Variants in HECW2 observed in about 807,000 individuals in gnomAD.
The protein encoded by HECW2 is HECT, C2 and WW domain containing E3 ubiquitin protein ligase 2.
In HECW2, 61 loss-of-function variants were observed where a neutral mutation model predicts 175.2. That is an observed-to-expected ratio of 0.35 (90% CI 0.28 to 0.43). The LOEUF (loss-of-function observed/expected upper bound fraction) is 0.43. Ranked by LOEUF, HECW2 falls within the 20% of genes least tolerant of loss-of-function variation. HECW2 has a pLI of 1.00. For synonymous variants in HECW2, 671 were observed against 731.0 expected (o/e 0.92, Z 1.32); for missense variants, 1,524 against 2,000.5 (o/e 0.76, Z 4.54).
At chr2:196,469,444 T>C (rs927751838) in intron 1 of HECW2, among the ~76,000 whole-genome samples, 8 of 152,056 alleles carry the variant, frequency 5.3e-5, no homozygotes, top group Admixed American at 3.9e-4. Context: ...TTTAGGAGGA[T>C]AGATTATAGT....
At chr2:196,258,328 T>C (rs1689148314) in intron 17 of HECW2, among the ~76,000 whole-genome samples, 1 of 152,228 alleles carries the variant, frequency 6.6e-6, no homozygotes, top group African/African-American at 2.4e-5. Flanking sequence ...CCTGAGGCCA[T>C]ACCTTTAAGT....
At chr2:196,566,699 A>ATTTTTTTTTTTTTTTTTTTTTTTTT (rs58391487) in intron 1 of HECW2, among the ~76,000 whole-genome samples, 1 of 94,206 alleles carries the variant, frequency 1.1e-5, no homozygotes, top group African/African-American at 4.2e-5. Context: ...CACCCAGCTA[A>ATTTTTTTTTTTTTTTTTTTTTTTTT]TTTTTTTTTT....
intron 14 of HECW2, among the ~76,000 whole-genome samples, chr2:196,281,717 G>C (rs1690196934): frequency 6.7e-6 from 1 of 150,270 alleles, no homozygotes; most frequent in South Asian, 2.1e-4. Context: ...AAAAAATGAG[G>C]GAAGCTAAAG....
At chr2:196,521,650 A>G (rs1340586701) in intron 1 of HECW2, among the ~76,000 whole-genome samples, 1 of 119,156 alleles carries the variant, frequency 8.4e-6, no homozygotes, top group Non-Finnish European at 1.7e-5. Context: ...ACCCCACCAC[A>G]GTCCCCAGAG....
At chr2:196,557,596 A>G (rs1689848664) in intron 1 of HECW2, among the ~76,000 whole-genome samples, 1 of 152,198 alleles carries the variant, frequency 6.6e-6, no homozygotes, top group South Asian at 2.1e-4. Flanking sequence ...GAGAGCTCCT[A>G]ATAACTAATG....
Position 196,527,401 on chromosome 2 carries a change from C to T in HECW2, c.-36+66107G>A, listed in dbSNP as rs191978720. Among the ~76,000 whole-genome samples, 23 of 152,330 alleles carry T rather than the reference C, an allele frequency of 1.5e-4. No individual in the cohort carries two copies. In the East Asian group the frequency reaches 2.5e-3, roughly 17 times the overall value. On this transcript the variant is annotated intron_variant, in intron 1 of 28. Transcript: ENST00000644978. ...CTGGCACTCCCTAGTGAGATGAACC[C>T]GGTACCTCAGATGGAAATGCAGAAA...
intron 2 of HECW2, among the ~76,000 whole-genome samples, chr2:196,347,061 T>C (rs1692983196): frequency 6.6e-6 from 1 of 151,646 alleles, no homozygotes; most frequent in African/African-American, 2.4e-5. Context: ...TTTATTTATT[T>C]ATTTTTTTTG....
intron 28 of HECW2, among the ~76,000 whole-genome samples, chr2:196,214,212 G>A (rs948998425): frequency 6.6e-6 from 1 of 152,194 alleles, no homozygotes; most frequent in Non-Finnish European, 1.5e-5. Flanking sequence ...AGACCCTGCT[G>A]CAGGTAAGTA....
At chr2:196,450,075 C>T (rs1429982104) in intron 1 of HECW2, among the ~76,000 whole-genome samples, 2 of 152,320 alleles carry the variant, frequency 1.3e-5, no homozygotes, top group East Asian at 1.9e-4. Context: ...AGCTGTGGGC[C>T]ATTCCTCCAG....
At chr2:196,290,564 C>T (rs1297236561) in intron 14 of HECW2, 3 of 152,170 alleles carry the variant, frequency 2.0e-5, no homozygotes, top group Admixed American at 6.5e-5. Context: ...CTAATGAACA[C>T]AGCTCCTCAT....
chr2:196,448,228 T>C (rs1696243228), intron 1 of HECW2, among the ~76,000 whole-genome samples: 1 of 152,236 alleles, frequency 6.6e-6, no homozygotes, highest in Non-Finnish European at 1.5e-5. Context: ...CTCTGCAATT[T>C]GGCTTCCCAA....
intron 1 of HECW2, among the ~76,000 whole-genome samples, chr2:196,537,587 G>A (rs1022662269): frequency 6.6e-6 from 1 of 152,104 alleles, no homozygotes; most frequent in Non-Finnish European, 1.5e-5. Context: ...GGTGTCAGAG[G>A]CGTTCGAACC....
intron 3 of HECW2, among the ~76,000 whole-genome samples, 159 bp from the exon 4 acceptor site, chr2:196,334,677 T>G (rs1692486830): frequency 6.6e-6 from 1 of 152,170 alleles, no homozygotes; most frequent in Admixed American, 6.5e-5. Flanking sequence ...TCAATTTCTG[T>G]TTGATTTTAT....
Position 196,319,190 on chromosome 2 carries a change from A to G in HECW2, c.1700T>C (p.Leu567Pro). Residue 567 changes from leucine (L) to proline (P), a missense_variant, in exon 9 of 29, where the codon CTG becomes CCG. Leu to Pro is a moderately conservative substitution (Grantham distance 98). Around this residue, in one of 11 missense-constraint regions of HECW2, gnomAD observed 604 missense variants for 588.3 expected, o/e 1.03. Coordinates refer to ENST00000644978, the MANE Select transcript of HECW2 (RefSeq NM_001348768.2). ...CTGATCTACCTCTTGAGAGCCACAC[A>G]GTTCAGCACTGCCCTGGTCAGCACT... ...QPSADQGSAE[L>P]CGSQEVDQPT... 6.3e-7 allele frequency: 1 copy of G among 1,594,888 alleles called. No homozygotes were observed. Among genetic ancestry groups the G allele is most frequent in the Non-Finnish European group, 8.5e-7 (1 of 1,169,616 alleles).
intron 1 of HECW2, among the ~76,000 whole-genome samples, chr2:196,442,937 G>A (rs955493828): frequency 2.0e-5 from 3 of 152,158 alleles, no homozygotes; most frequent in African/African-American, 4.8e-5. Flanking sequence ...GCAAGGAACA[G>A]AAGCCCCCTC....
In HECW2 at chr2:196,433,459, C is replaced by A; in HGVS notation, c.-35-1G>T. The A allele has an allele frequency of 1.9e-6, 3 of 1,588,006 alleles. No homozygotes were observed. The highest frequency in any genetic ancestry group is 2.6e-6 in the Non-Finnish European group (3 of 1,167,492). On this transcript the variant is annotated splice_acceptor_variant, in intron 1 of 28. Coordinates refer to ENST00000644978, the MANE Select transcript of HECW2 (RefSeq NM_001348768.2). LOFTEE classifies it low-confidence loss of function (5UTR_SPLICE). ...TCTCTGGGATTGGCTGCCTACAAAG[C>A]TGCAAGAGACAGATAAACATAAAAC...
chr2:196,549,960 G>C (rs1290672689), intron 1 of HECW2, among the ~76,000 whole-genome samples: 1 of 152,212 alleles, frequency 6.6e-6, no homozygotes, highest in Non-Finnish European at 1.5e-5. Flanking sequence ...GGTTGAAGGA[G>C]ACAGGCATTT....
intron 17 of HECW2, among the ~76,000 whole-genome samples, chr2:196,258,764 A>G (rs1465343674): frequency 6.6e-6 from 1 of 152,234 alleles, no homozygotes. Flanking sequence ...ATAAAAACAC[A>G]AATTATGGTA....
intron 24 of HECW2, among the ~76,000 whole-genome samples, chr2:196,221,345 C>T (rs918137427): frequency 6.6e-6 from 1 of 152,074 alleles, no homozygotes; most frequent in Non-Finnish European, 1.5e-5. Flanking sequence ...AAATTGAGAA[C>T]TTTTTCAAAA....
Sources: gnomAD v4.1 joint callset for allele counts (sites outside exome capture counted in the v4.1 genomes callset) on GRCh38, gnomAD v4.1.1 for gene constraint, gnomAD v4.1.1 regional missense constraint, MANE v1.5 for transcripts, NCBI Gene and HGNC (gene_info 2026-07-23, HGNC 2026-07-21) for gene names.